The following RRM2 variants were observed in gnomAD, a reference collection of about 807,000 sequenced individuals.
The protein encoded by RRM2 is ribonucleoside-diphosphate reductase subunit M2.
A neutral mutation model predicts 45.9 loss-of-function variants in RRM2; 6 were observed. That is an observed-to-expected ratio of 0.13 (90% CI 0.07 to 0.26). The LOEUF is 0.26. Among genes scored for constraint, RRM2 ranks in the 10% least tolerant of loss-of-function variants. RRM2 has a pLI of 1.00. For synonymous variants in RRM2, 177 were observed against 173.0 expected, an observed-to-expected ratio of 1.02 and a Z score of -0.18; for missense variants, 343 against 489.5, an observed-to-expected ratio of 0.70 and a Z score of 2.82.
rs1283937951 is a variant in RRM2, at chr2:10,123,440, C to G, written c.228C>G (p.Asn76Lys). Residue 76 changes from asparagine to lysine, a missense_variant, in exon 3 of 10, where the codon AAC becomes AAG. Asn to Lys is a moderately conservative substitution (Grantham distance 94). Coordinates refer to ENST00000304567, the MANE Select transcript of RRM2 (RefSeq NM_001034.4). Reference protein sequence around the residue: ...GVEDEPLLRENPRRFVIFPIE... With the variant: ...GVEDEPLLREKPRRFVIFPIE... ...AGGATGAGCCGCTGCTGAGAGAAAA[C>G]CCCCGCCGCTTTGTCATCTTCCCCA... 6.2e-7 allele frequency: 1 copy of G among 1,614,162 alleles called. No individual in the cohort carries two copies. The highest frequency in any genetic ancestry group is 1.1e-5 in the South Asian group (1 of 91,092).
At chr2:10,128,780 G>T in intron 7 of RRM2, 68 bp from the exon 8 acceptor site, 1 of 1,136,610 alleles carries the variant, frequency 8.8e-7, no homozygotes, top group Non-Finnish European at 1.3e-6. Context: ...AAAGGACAAA[G>T]TAATTTCATA....
At chr2:10,148,684 G>T (rs1278165771) in intron 3 of RRM2, among the ~76,000 whole-genome samples, 1 of 152,062 alleles carries the variant, frequency 6.6e-6, no homozygotes, top group Non-Finnish European at 1.5e-5. Context: ...TACTTTCATA[G>T]AAATTACCTT....
Position 10,141,883 on chromosome 2 carries a change from A to T in RRM2, n.290A>T, listed in dbSNP as rs199748552. 5.1e-6 allele frequency: 8 copies of T among 1,569,748 alleles called. No individual in the cohort carries two copies. The Admixed American group carries it at 9.3e-5, about 18-fold the overall frequency. On this transcript the variant is annotated non_coding_transcript_exon_variant, in exon 2 of 4. Transcript: ENST00000381786. ...TGGGAGACCGTGAAGTGCAAAGCAGATGGAGTCCAGGCCCTCGGGGAGACA... is the reference window on the plus strand; with the variant it reads ...TGGGAGACCGTGAAGTGCAAAGCAGTTGGAGTCCAGGCCCTCGGGGAGACA...
rs1011251419 is a variant in RRM2 at position 10,171,497 on chromosome 2, C to A, written n.482+29122C>A. 3.9e-5 allele frequency among the ~76,000 whole-genome samples: 6 copies of A among 152,168 alleles called. No homozygotes were observed. Among genetic ancestry groups the A allele is most frequent in the Non-Finnish European group, 5.9e-5 (4 of 68,030 alleles). ...TTCTGCAATTGTTCCTAAAGAGGGG[C>A]CTGTGGGTCGAGTGAGCTAAGCAGG... On this transcript the variant is annotated intron_variant and non_coding_transcript_variant, in intron 3 of 3. Coordinates refer to the RRM2 transcript ENST00000381786. This position sits in a 1 kb window ranked among gnomAD's most constrained non-coding sequence, Gnocchi z 4.1.
rs774844954 is a variant in RRM2 at position 10,147,654 on chromosome 2, C to T, written n.482+5279C>T. On this transcript the variant is annotated intron_variant and non_coding_transcript_variant, in intron 3 of 3. Transcript: ENST00000381786. ...GACTACAGGTGTGAGCCTTTGCATT[C>T]GCCTTGAATTCCTTTTTCAATAGTA... 7.9e-5 allele frequency among the ~76,000 whole-genome samples: 12 copies of T among 152,222 alleles called. No individual in the cohort carries two copies. The South Asian group carries it at 8.3e-4, about 10-fold the overall frequency.
intron 3 of RRM2, among the ~76,000 whole-genome samples, chr2:10,188,156 GGTGA>G (rs911242785): frequency 2.6e-5 from 4 of 152,192 alleles, no homozygotes; most frequent in African/African-American, 9.7e-5. Context: ...TCCCACTTTG[GGTGA>G]GTATGAGCAG....
intron 3 of RRM2, among the ~76,000 whole-genome samples, chr2:10,163,098 A>G (rs16855903): frequency 0.16 from 24,989 of 152,238 alleles, 2,460 homozygotes; most frequent in East Asian, 0.51. Flanking sequence ...AGAACTTCCA[A>G]GAGGCTCTGC....
At chr2:10,199,929 G>A (rs1351403680) in intron 3 of RRM2, among the ~76,000 whole-genome samples, 1 of 152,010 alleles carries the variant, frequency 6.6e-6, no homozygotes, top group Non-Finnish European at 1.5e-5. Context: ...CACCTCCTGA[G>A]TTCAAGCGAT....
chr2:10,174,342 G>T (rs1428893661), intron 3 of RRM2, among the ~76,000 whole-genome samples: 3 of 150,972 alleles, frequency 2.0e-5, no homozygotes, highest in Non-Finnish European at 3.0e-5. Context: ...GTGGCAGGCT[G>T]CCCTGGCCCT....
intron 2 of RRM2, 41 bp downstream of exon 2, chr2:10,123,098 T>C: frequency 6.6e-7 from 1 of 1,516,412 alleles, no homozygotes. Context: ...GGGACGGCCT[T>C]GGGCGTCTTG....
chr2:10,143,392 C>T (rs1663124384), intron 3 of RRM2, among the ~76,000 whole-genome samples: 1 of 152,258 alleles, frequency 6.6e-6, no homozygotes, highest in African/African-American at 2.4e-5. Flanking sequence ...CTTTTTCATA[C>T]TATCCAAAGT....
chr2:10,142,527 G>A lies in RRM2; in HGVS notation n.482+152G>A, dbSNP rs567656301. On this transcript the variant is annotated intron_variant and non_coding_transcript_variant, in intron 3 of 3. Coordinates refer to the RRM2 transcript ENST00000381786. Reference sequence around the variant, plus strand: ...AATCCAGGTACTGCCAGCCTCTGCCGTTCTACGTGTGGCCAGGCGGGGGAG... The same window carrying A: ...AATCCAGGTACTGCCAGCCTCTGCCATTCTACGTGTGGCCAGGCGGGGGAG... 2.2e-4 allele frequency: 157 copies of A among 729,946 alleles called. No homozygotes were observed. The African/African-American group carries it at 2.9e-3, about 13-fold the overall frequency. 45.2% of individuals were successfully genotyped at this position (729,946 alleles called of 1,614,324 possible).
At chr2:10,164,882 T>G (rs1663647621) in intron 3 of RRM2, among the ~76,000 whole-genome samples, 1 of 152,240 alleles carries the variant, frequency 6.6e-6, no homozygotes, top group Non-Finnish European at 1.5e-5. Context: ...AGGCTGCCAC[T>G]GGCTGCCATC....
At chr2:10,146,889 A>G (rs1663198208) in intron 3 of RRM2, among the ~76,000 whole-genome samples, 1 of 152,136 alleles carries the variant, frequency 6.6e-6, no homozygotes, top group Non-Finnish European at 1.5e-5. Context: ...TATTCTTTCT[A>G]TCTACTTTTT....
chr2:10,155,051 A>C (rs2125316495), intron 3 of RRM2: 1 of 183,708 alleles, frequency 5.4e-6, no homozygotes, highest in Non-Finnish European at 1.2e-5. Context: ...AAAAAAAAAA[A>C]CAGTGGCTTT....
At chr2:10,208,615 C>G (rs766770936) in intron 3 of RRM2, among the ~76,000 whole-genome samples, 2 of 152,194 alleles carry the variant, frequency 1.3e-5, no homozygotes, top group Non-Finnish European at 2.9e-5. Flanking sequence ...TATTGATTCA[C>G]TCTTTGTTTC....
Position 10,161,459 on chromosome 2 carries a change from G to T in RRM2, n.482+19084G>T, listed in dbSNP as rs983135715. 6.6e-5 allele frequency among the ~76,000 whole-genome samples: 10 copies of T among 152,318 alleles called. 1 individual carries two copies. The South Asian group carries it at 1.9e-3, about 28-fold the overall frequency. On this transcript the variant is annotated intron_variant and non_coding_transcript_variant, in intron 3 of 3. Coordinates refer to the RRM2 transcript ENST00000381786. ...ACCTCCACCACCCGCGTGCACGAGGGGCACAGCCTCTTGCAGGTGTGTCAC... is the reference window on the plus strand; with the variant it reads ...ACCTCCACCACCCGCGTGCACGAGGTGCACAGCCTCTTGCAGGTGTGTCAC...
At chr2:10,154,842 ATG>A (rs1663393536) in intron 3 of RRM2, among the ~76,000 whole-genome samples, 1 of 151,818 alleles carries the variant, frequency 6.6e-6, no homozygotes, top group African/African-American at 2.4e-5. Flanking sequence ...GATTACAGGC[ATG>A]CGCCACCATG....
chr2:10,135,708 A>G (rs578017052), downstream of RRM2, among the ~76,000 whole-genome samples: 3 of 152,326 alleles, frequency 2.0e-5, no homozygotes, highest in East Asian at 5.8e-4. Flanking sequence ...CTAAACACTT[A>G]AGAGTGTAAA....
Sources: gnomAD v4.1 joint callset for allele counts (sites outside exome capture counted in the v4.1 genomes callset) on GRCh38, gnomAD v4.1.1 for gene constraint, Gnocchi (gnomAD v3.1) non-coding constraint, MANE v1.5 for transcripts, NCBI Gene and HGNC (gene_info 2026-07-23, HGNC 2026-07-21) for gene names.